The following BOC variants were observed in gnomAD, a reference collection of about 807,000 sequenced individuals.
BOC encodes brother of CDO.
A neutral mutation model predicts 112.0 loss-of-function variants in BOC; 76 were observed. The observed-to-expected ratio is 0.68, with a 90% CI of 0.56 to 0.82. BOC has a LOEUF of 0.82. BOC is among the 40% of genes least tolerant of loss of function. The pLI, the probability that BOC is intolerant of heterozygous loss-of-function variation, is 0.00. For synonymous variants in BOC, 580 were observed against 599.8 expected, an observed-to-expected ratio of 0.97 and a Z score of 0.48; for missense variants, 1,309 against 1,511.7, an observed-to-expected ratio of 0.87 and a Z score of 2.22.
At position 113,273,340 on chromosome 3, in the gene BOC, A is replaced by G; in HGVS notation, c.1233A>G (p.Pro411=). ...HAVVQLRTSR[P]SITPRLWQDA... The stretch of plus-strand genomic sequence containing the variant: ...TAGTCCAGCTGCGGACCTCCAGGCC[A>G]AGTGAGTGTAGCCCAGGGGTCTGAG... Residue 411 remains proline (P), a splice_region_variant and synonymous_variant, in exon 8 of 20, where the codon CCA becomes CCG. Transcript: ENST00000682979. The G allele has an allele frequency of 6.3e-7, 1 of 1,587,720 alleles. No individual in the cohort carries two copies. Among genetic ancestry groups the G allele is most frequent in the African/African-American group, 1.3e-5 (1 of 74,612 alleles).
At chr3:113,262,213 C>T (rs1286081091) in intron 4 of BOC, among the ~76,000 whole-genome samples, 1 of 152,222 alleles carries the variant, frequency 6.6e-6, no homozygotes, top group East Asian at 1.9e-4. Flanking sequence ...GCAGTACTCA[C>T]TCTGCCAACT....
intron 2 of BOC, among the ~76,000 whole-genome samples, chr3:113,235,508 A>G (rs1943305811): frequency 6.6e-6 from 1 of 152,108 alleles, no homozygotes; most frequent in African/African-American, 2.4e-5. Flanking sequence ...TGATGAGGAT[A>G]TTTTCCTTTT....
At position 113,284,429 on chromosome 3, in the gene BOC, C is replaced by A; in HGVS notation, c.2751C>A (p.Ala917=). 1 of 1,614,260 alleles carries A rather than the reference C, an allele frequency of 6.2e-7. No individual in the cohort carries two copies. The highest frequency in any genetic ancestry group is 8.5e-7 in the Non-Finnish European group (1 of 1,180,040). The change falls in exon 17 of 20, where the codon GCC becomes GCA. Residue 917 remains alanine, a synonymous_variant. Transcript: ENST00000682979. ...VPLGGLPGHQ[A]SGQPYLSGIS... ...TGGGAGGACTCCCAGGCCACCAGGC[C>A]AGTGGACAGCCCTACCTCAGTGGCA... is the stretch of plus-strand genomic sequence containing the variant.
intron 2 of BOC, among the ~76,000 whole-genome samples, chr3:113,248,208 C>T (rs1368754874): frequency 6.6e-6 from 1 of 152,150 alleles, no homozygotes; most frequent in African/African-American, 2.4e-5. Context: ...GACCACAGGT[C>T]TTGGGGAAGG....
chr3:113,244,774 T>A (rs1284751782), intron 2 of BOC, among the ~76,000 whole-genome samples: 1 of 152,218 alleles, frequency 6.6e-6, no homozygotes, highest in African/African-American at 2.4e-5. Flanking sequence ...ATAAAAATGA[T>A]CACACAGAAA....
Position 113,249,876 on chromosome 3 carries a change from C to T in BOC, c.74C>T (p.Thr25Ile), listed in dbSNP as rs1295868402. 1.2e-6 allele frequency: 2 copies of T among 1,613,558 alleles called. No individual in the cohort carries two copies. Among genetic ancestry groups the T allele is most frequent in the Non-Finnish European group, 8.5e-7 (1 of 1,179,838 alleles). ...ACACTGGCTTGCCTCCTCCTAGCCA[C>T]AGCAGGCTGCTTTGCTGACTTGAGT... ...EVTLACLLLA[T>I]AGCFADLNEV... The change falls in exon 3 of 20, where the codon ACA becomes ATA. Residue 25 changes from threonine (T) to isoleucine (I), a missense_variant. Coordinates refer to ENST00000682979, the MANE Select transcript of BOC (RefSeq NM_001378074.1).
At chr3:113,244,003 T>C (rs1445596372) in intron 2 of BOC, among the ~76,000 whole-genome samples, 1 of 152,208 alleles carries the variant, frequency 6.6e-6, no homozygotes, top group Admixed American at 6.5e-5. Context: ...ATGTGACATA[T>C]GGTCACCAGA....
At chr3:113,215,088 C>A (rs758409530) in intron 1 of BOC, among the ~76,000 whole-genome samples, 2 of 152,210 alleles carry the variant, frequency 1.3e-5, no homozygotes, top group Admixed American at 6.5e-5. Flanking sequence ...ATGTAGCCAA[C>A]TACTTTGCTG....
chr3:113,246,579 C>G (rs765023219), intron 2 of BOC, among the ~76,000 whole-genome samples: 3 of 152,158 alleles, frequency 2.0e-5, no homozygotes, highest in Non-Finnish European at 2.9e-5. Context: ...AAGTAACTCA[C>G]TTTCCCCAGA....
At chr3:113,261,973 T>G (rs1418316398) in intron 4 of BOC, 2 of 127,720 alleles carry the variant, frequency 1.6e-5, no homozygotes, top group Non-Finnish European at 3.3e-5. Flanking sequence ...CAAAGGTTTG[T>G]TTTTTTTTTT....
chr3:113,258,757 A>G (rs9820627), intron 4 of BOC, among the ~76,000 whole-genome samples: 3,988 of 152,354 alleles, frequency 0.026, 61 homozygotes, highest in Middle Eastern at 0.065. Flanking sequence ...AGCTCCACAC[A>G]GGGGAATGGA....
Position 113,278,745 on chromosome 3 carries a change from C to T in BOC, c.1778C>T (p.Pro593Leu), listed in dbSNP as rs1007067763. The T allele has an allele frequency of 7.0e-6, 11 of 1,564,692 alleles. No individual in the cohort carries two copies. In the African/African-American group the frequency reaches 9.5e-5, roughly 14 times the overall value. The change falls in exon 11 of 20, where the codon CCC becomes CTC. Residue 593 changes from proline to leucine, a missense_variant. Physicochemically the swap from Pro to Leu is moderately conservative, Grantham distance 98. Transcript: ENST00000682979. This position sits in a 1 kb window ranked among gnomAD's most constrained non-coding sequence, Gnocchi z 4.2. ...CAGAGAGACGACCCTGGAGCCAGTC[C>T]CCAGAGCAGCAGCCAGCCAGACCAC... is the stretch of plus-strand genomic sequence containing the variant. ...QIQRDDPGAS[P>L]QSSSQPDHGR...
rs1291154599 is a variant in BOC at position 113,258,457 on chromosome 3, T to TA, written c.376+7625dup. Among the ~76,000 whole-genome samples, 23 of 152,328 alleles carry TA rather than the reference T, an allele frequency of 1.5e-4. 1 individual carries two copies. In the East Asian group the frequency reaches 4.4e-3, roughly 29 times the overall value. On this transcript the variant is annotated intron_variant, in intron 4 of 19. Coordinates refer to ENST00000682979, the MANE Select transcript of BOC (RefSeq NM_001378074.1). ...ACATTTTCTGATTAAGAAAGAAACT[T>TA]AGAGTGTTTTTTCCAGTACTCCCCA...
chr3:113,235,762 C>T (rs2107752673), intron 2 of BOC, among the ~76,000 whole-genome samples: 1 of 152,324 alleles, frequency 6.6e-6, no homozygotes, highest in East Asian at 1.9e-4. Context: ...GTCTACAAAA[C>T]ATTATATAGA....
intron 4 of BOC, among the ~76,000 whole-genome samples, chr3:113,257,870 T>G (rs1946402659): frequency 6.6e-6 from 1 of 152,218 alleles, no homozygotes; most frequent in South Asian, 2.1e-4. Flanking sequence ...TGCTGACTCC[T>G]ATATTTGGAT....
At chr3:113,217,345 G>A (rs779306494) in intron 2 of BOC, among the ~76,000 whole-genome samples, 7 of 152,126 alleles carry the variant, frequency 4.6e-5, no homozygotes, top group Non-Finnish European at 7.4e-5. Flanking sequence ...GCAAAACTCT[G>A]TCTCTACAAA....
In BOC at chr3:113,273,204, G is replaced by A. The variant is rs148670622; in HGVS notation, c.1097G>A (p.Ser366Asn). ...WLRNAVPLIS[S>N]QRLRLSRRAL... Reference sequence around the variant, plus strand: ...AGGAATGCTGTGCCCCTCATCTCCAGCCAGCGCCTCCGGCTCTCCCGCAGG... The same window carrying A: ...AGGAATGCTGTGCCCCTCATCTCCAACCAGCGCCTCCGGCTCTCCCGCAGG... The change falls in exon 8 of 20, where the codon AGC (serine) becomes AAC (asparagine). Residue 366 changes from serine to asparagine, a missense_variant. By Grantham distance (46) the Ser-to-Asn change is conservative (BLOSUM62 1). Coordinates refer to ENST00000682979, the MANE Select transcript of BOC (RefSeq NM_001378074.1). 124 of 1,613,850 alleles carry A rather than the reference G, an allele frequency of 7.7e-5. No individual in the cohort carries two copies. The Middle Eastern group carries it at 3.5e-3, about 45-fold the overall frequency.
intron 2 of BOC, among the ~76,000 whole-genome samples, chr3:113,224,048 C>T (rs1052507052): frequency 6.6e-6 from 1 of 152,218 alleles, no homozygotes; most frequent in Non-Finnish European, 1.5e-5. Flanking sequence ...ACGAGGAGCA[C>T]ATGGGCTGTT....
intron 2 of BOC, among the ~76,000 whole-genome samples, chr3:113,233,933 T>A (rs921189002): frequency 1.3e-5 from 2 of 151,914 alleles, no homozygotes; most frequent in Admixed American, 1.3e-4. Context: ...GACACTCACG[T>A]ATCACCTTCC....
Sources: allele counts gnomAD v4.1 joint callset (sites outside exome capture counted in the v4.1 genomes callset), GRCh38; gene constraint gnomAD v4.1.1; non-coding constraint Gnocchi (gnomAD v3.1); transcripts MANE v1.5; gene names NCBI Gene and HGNC (gene_info 2026-07-23, HGNC 2026-07-21).